Variants in CDH4 observed in about 807,000 individuals in gnomAD.
The protein encoded by CDH4 is cadherin 4.
CDH4 carries 33 observed loss-of-function variants against 86.0 expected under a neutral mutation model. That is an observed-to-expected ratio of 0.38 (90% CI 0.29 to 0.51). CDH4 has a LOEUF of 0.51. Ranked by LOEUF, CDH4 falls within the 20% of genes least tolerant of loss-of-function variation. The pLI, the probability that CDH4 is intolerant of heterozygous loss-of-function variation, is 0.86. For synonymous variants in CDH4, 555 were observed against 549.4 expected, an observed-to-expected ratio of 1.01 and a Z score of -0.14; for missense variants, 1,114 against 1,307.4, an observed-to-expected ratio of 0.85 and a Z score of 2.28.
chr20:61,327,703 C>T (rs1283801502), intron 2 of CDH4, among the ~76,000 whole-genome samples: 5 of 152,142 alleles, frequency 3.3e-5, no homozygotes, highest in Non-Finnish European at 7.3e-5. Flanking sequence ...GTAACATGGA[C>T]ACACCCTTTG....
At chr20:61,493,800 C>T (rs2085640925) in intron 2 of CDH4, among the ~76,000 whole-genome samples, 2 of 152,218 alleles carry the variant, frequency 1.3e-5, no homozygotes, top group African/African-American at 4.8e-5. Context: ...GGGTGACCCC[C>T]TCCAGAAAGA....
At chr20:61,734,411 C>T (rs2088234867) in intron 2 of CDH4, among the ~76,000 whole-genome samples, 1 of 152,216 alleles carries the variant, frequency 6.6e-6, no homozygotes, top group Non-Finnish European at 1.5e-5. Flanking sequence ...GCACCAGCTG[C>T]AAGCTTTGTG....
chr20:61,307,482 G>A (rs906945128), intron 2 of CDH4, among the ~76,000 whole-genome samples: 3 of 152,240 alleles, frequency 2.0e-5, no homozygotes, highest in African/African-American at 4.8e-5. Context: ...CGTATCATTC[G>A]CATACTAGGT....
At chr20:61,297,584 G>A (rs1600844888) in intron 2 of CDH4, among the ~76,000 whole-genome samples, 1 of 152,394 alleles carries the variant, frequency 6.6e-6, no homozygotes, top group African/African-American at 2.4e-5. Flanking sequence ...TGAGGGCTGG[G>A]CAGCAGCTGT....
chr20:61,916,584 G>C (rs971072603), intron 9 of CDH4, among the ~76,000 whole-genome samples: 1 of 152,230 alleles, frequency 6.6e-6, no homozygotes, highest in Non-Finnish European at 1.5e-5. Context: ...GAGCTGGGGA[G>C]AGGCTCCTGA....
chr20:61,903,670 G>A (rs986478715), intron 8 of CDH4, among the ~76,000 whole-genome samples: 1 of 151,138 alleles, frequency 6.6e-6, no homozygotes, highest in Non-Finnish European at 1.5e-5. Flanking sequence ...AACAAAAACC[G>A]TGAAGGTGAC....
intron 4 of CDH4, among the ~76,000 whole-genome samples, chr20:61,793,837 T>TA (rs377261591): frequency 0.13 from 13,423 of 104,040 alleles, 915 homozygotes; most frequent in Middle Eastern, 0.26. Flanking sequence ...AGACTGCATT[T>TA]AAAAAAAAAA....
rs935909533 is a variant in CDH4, at chr20:61,501,473, G to A, written c.170-242090G>A. ...AGTCCAGGTGGGAAGAATTTATTAG[G>A]TGAGCGATGTAGCTGGAACGAGGCC... is the stretch of plus-strand genomic sequence containing the variant. On this transcript the variant is annotated intron_variant, in intron 2 of 15. Transcript: ENST00000614565. This position sits in a 1 kb window ranked among gnomAD's most constrained non-coding sequence, Gnocchi z 4.2. Among the ~76,000 whole-genome samples the A allele has an allele frequency of 2.0e-5, 3 of 152,170 alleles. No individual in the cohort carries two copies. The highest frequency in any genetic ancestry group is 4.4e-5 in the Non-Finnish European group (3 of 68,032).
intron 13 of CDH4, among the ~76,000 whole-genome samples, chr20:61,930,856 TCCC>T (rs1424536254): frequency 6.6e-6 from 1 of 152,170 alleles, no homozygotes; most frequent in East Asian, 1.9e-4. Context: ...CTCACCGATG[TCCC>T]CTGCTCTGGA....
chr20:61,439,655 G>A (rs573500034), intron 2 of CDH4, among the ~76,000 whole-genome samples: 3 of 152,348 alleles, frequency 2.0e-5, no homozygotes, highest in South Asian at 2.1e-4. Flanking sequence ...TGTGGAAGGC[G>A]GGAACATCTC....
chr20:61,632,673 C>T (rs2145790043), intron 2 of CDH4, among the ~76,000 whole-genome samples: 1 of 150,844 alleles, frequency 6.6e-6, no homozygotes, highest in South Asian at 2.1e-4. Context: ...CACACCCACC[C>T]TTCCTCCCCT....
chr20:61,606,541 C>G (rs1029528892), intron 2 of CDH4, among the ~76,000 whole-genome samples: 6 of 152,246 alleles, frequency 3.9e-5, no homozygotes, highest in Non-Finnish European at 2.9e-5. Flanking sequence ...GTCCCTCTCC[C>G]TCTCCCAGTT....
At chr20:61,268,597 C>T (rs774408587) in intron 2 of CDH4, among the ~76,000 whole-genome samples, 18 of 152,292 alleles carry the variant, frequency 1.2e-4, no homozygotes, top group Non-Finnish European at 2.4e-4. Context: ...GGTGAGTGTT[C>T]ATGAGTGGTT....
chr20:61,806,721 A>G (rs528365456), intron 4 of CDH4, among the ~76,000 whole-genome samples: 11 of 152,240 alleles, frequency 7.2e-5, no homozygotes, highest in African/African-American at 2.6e-4. Flanking sequence ...AGGACACAGG[A>G]GGAAACCTTG....
intron 2 of CDH4, among the ~76,000 whole-genome samples, chr20:61,439,538 T>A (rs2085303725): frequency 6.6e-6 from 1 of 152,216 alleles, no homozygotes; most frequent in Non-Finnish European, 1.5e-5. Flanking sequence ...AGACTGGACA[T>A]GGTTCAGCCT....
chr20:61,470,623 G>C (rs1164745112), intron 2 of CDH4, among the ~76,000 whole-genome samples: 1 of 152,126 alleles, frequency 6.6e-6, no homozygotes, highest in Non-Finnish European at 1.5e-5. Context: ...GATCTTGGAG[G>C]AAAGGCTTTC....
chr20:61,814,450 A>G (rs887807270), intron 4 of CDH4, among the ~76,000 whole-genome samples: 43 of 152,174 alleles, frequency 2.8e-4, no homozygotes, highest in African/African-American at 8.2e-4. Context: ...CGGCCGCTCG[A>G]CGACGATCCC....
intron 4 of CDH4, among the ~76,000 whole-genome samples, chr20:61,830,791 C>T (rs550279370): frequency 1.5e-3 from 230 of 152,330 alleles, no homozygotes; most frequent in African/African-American, 5.3e-3. Context: ...TCTGGGCGCC[C>T]TTTCTTGCCT....
chr20:61,693,820 G>A (rs1286021429), intron 2 of CDH4, among the ~76,000 whole-genome samples: 3 of 150,270 alleles, frequency 2.0e-5, no homozygotes, highest in South Asian at 2.1e-4. Flanking sequence ...TATCAGAAAC[G>A]AATTGTCACT....
Sources: allele counts gnomAD v4.1 joint callset (sites outside exome capture counted in the v4.1 genomes callset), GRCh38; gene constraint gnomAD v4.1.1; non-coding constraint Gnocchi (gnomAD v3.1); transcripts MANE v1.5; gene names NCBI Gene and HGNC (gene_info 2026-07-23, HGNC 2026-07-21).